The following ZFAND3 variants were observed in gnomAD, a reference collection of about 807,000 sequenced individuals.
ZFAND3 encodes zinc finger AN1-type containing 3.
ZFAND3 carries 10 observed loss-of-function variants against 29.6 expected under a neutral mutation model. The ratio of observed to expected loss-of-function variants is 0.34; its 90% CI spans 0.21 to 0.57. The LOEUF (loss-of-function observed/expected upper bound fraction) is 0.57. ZFAND3 is among the 20% of genes least tolerant of loss of function. The pLI is 0.86. For synonymous variants in ZFAND3, 128 were observed against 112.6 expected (o/e 1.14, Z -0.87); for missense variants, 230 against 304.5 (o/e 0.76, Z 1.82).
intron 5 of ZFAND3, among the ~76,000 whole-genome samples, chr6:38,145,618 G>A (rs975500516): frequency 3.9e-5 from 6 of 152,126 alleles, no homozygotes; most frequent in East Asian, 1.9e-4. Flanking sequence ...TTTGGTTCCC[G>A]CCAAATGAGT....
chr6:38,025,518 T>TC (rs1366057872), intron 2 of ZFAND3, among the ~76,000 whole-genome samples: 2 of 152,202 alleles, frequency 1.3e-5, no homozygotes, highest in African/African-American at 4.8e-5. Flanking sequence ...TCTTGTGAAC[T>TC]CCTTTTTTTT....
At position 38,154,448 on chromosome 6, in the gene ZFAND3, A is replaced by C. The variant is rs1766310278; in HGVS notation, c.*2059A>C. Reference sequence around the variant, plus strand: ...AGTTTGTTAAATGTAAGGAAAGCTTAAATTCTTGTATCTTTAAAAGAGAAA... The same window carrying C: ...AGTTTGTTAAATGTAAGGAAAGCTTCAATTCTTGTATCTTTAAAAGAGAAA... On this transcript the variant is annotated 3_prime_UTR_variant, in exon 6 of 6. Transcript: ENST00000287218. The C allele has an allele frequency of 1.0e-6, 1 of 985,612 alleles. No homozygotes were observed. The highest frequency in any genetic ancestry group is 6.1e-5 in the Admixed American group (1 of 16,272). 61.1% of individuals were successfully genotyped at this position (985,612 alleles called of 1,614,324 possible). A position where few individuals can be genotyped will look rare whatever the true frequency, so the allele number is the denominator to read the frequency against.
intron 4 of ZFAND3, among the ~76,000 whole-genome samples, chr6:38,111,414 A>G (rs1765313814): frequency 6.6e-6 from 1 of 152,208 alleles, no homozygotes; most frequent in South Asian, 2.1e-4. Flanking sequence ...AGTAATCTAG[A>G]GAAGATTAAA....
At chr6:37,851,335 T>TC (rs1294896210) in intron 1 of ZFAND3, among the ~76,000 whole-genome samples, 1 of 152,050 alleles carries the variant, frequency 6.6e-6, no homozygotes, top group East Asian at 1.9e-4. Context: ...TCCAGTTTTT[T>TC]CCCACTCTAT....
At chr6:38,066,515 A>T (rs868852071) in intron 3 of ZFAND3, among the ~76,000 whole-genome samples, 1 of 152,238 alleles carries the variant, frequency 6.6e-6, no homozygotes, top group Non-Finnish European at 1.5e-5. Flanking sequence ...TGGGATGCCA[A>T]ATCCAAGTAC....
chr6:37,961,965 G>A (rs11751781), intron 2 of ZFAND3, among the ~76,000 whole-genome samples: 25,669 of 152,120 alleles, frequency 0.17, 2,377 homozygotes, highest in East Asian at 0.33. Context: ...AGGGGTGTCT[G>A]CAAGTATCAG....
At position 38,153,280 on chromosome 6, in the gene ZFAND3, C is replaced by A; in HGVS notation, c.*891C>A. On this transcript the variant is annotated 3_prime_UTR_variant, in exon 6 of 6. Coordinates refer to ENST00000287218, the MANE Select transcript of ZFAND3 (RefSeq NM_021943.3). The stretch of plus-strand genomic sequence containing the variant: ...CTATATTGGGAGTTTTTTAAAAAGA[C>A]ATTTCATAGCCAACAAGAATCAGTA... 1.0e-6 allele frequency: 1 copy of A among 985,506 alleles called. No homozygotes were observed. Among genetic ancestry groups the A allele is most frequent in the Non-Finnish European group, 1.2e-6 (1 of 829,962 alleles). The allele number at this position is 985,506 out of a possible 1,614,324, so 61.0% of individuals were successfully genotyped here. A position where few individuals can be genotyped will look rare whatever the true frequency, so the allele number is the denominator to read the frequency against.
In ZFAND3 at chr6:37,976,604, A is replaced by T. The variant is rs986792128; in HGVS notation, c.112+46605A>T. Among the ~76,000 whole-genome samples, 57 of 151,850 alleles carry T rather than the reference A, an allele frequency of 3.8e-4. 1 individual carries two copies. Among genetic ancestry groups the T allele is most frequent in the African/African-American group, 1.3e-3 (53 of 41,470 alleles). On this transcript the variant is annotated intron_variant, in intron 2 of 5. Transcript: ENST00000287218. ...GTCTCCAAAAAAAAAAAAAAAAAAA[A>T]AAGATACTACCCGAGACTGGGTAAT...
intron 4 of ZFAND3, among the ~76,000 whole-genome samples, chr6:38,099,437 C>T (rs1765048433): frequency 6.6e-6 from 1 of 152,210 alleles, no homozygotes; most frequent in Non-Finnish European, 1.5e-5. Context: ...TGCACCCCGT[C>T]ATTCTGAATT....
In ZFAND3 at chr6:37,820,066, CGCCAGGGCA is replaced by C. The variant is rs938867436; in HGVS notation, c.71+54_71+62del. ...GGGGGGCGGGGGCCGGGGGCGCAGA[CGCCAGGGCA>C]GCCTGGGCAGGCCTCGGGGCCCGGG... On this transcript the variant is annotated intron_variant, in intron 1 of 5. Coordinates refer to ENST00000287218, the MANE Select transcript of ZFAND3 (RefSeq NM_021943.3). 523 of 1,191,760 alleles carry C rather than the reference CGCCAGGGCA, an allele frequency of 4.4e-4. 7 individuals are homozygous for C. The East Asian group carries it at 0.016, about 36-fold the overall frequency. The allele number at this position is 1,191,760 out of a possible 1,614,324, so 73.8% of individuals were successfully genotyped here.
chr6:38,062,477 G>A (rs1052775566), intron 3 of ZFAND3: 4 of 151,936 alleles, frequency 2.6e-5, no homozygotes, highest in Admixed American at 2.6e-4. Flanking sequence ...CTACCTCCTG[G>A]GTTCAAGTGA....
At chr6:38,122,977 A>G (rs1765563215) in intron 5 of ZFAND3, among the ~76,000 whole-genome samples, 1 of 152,226 alleles carries the variant, frequency 6.6e-6, no homozygotes, top group Non-Finnish European at 1.5e-5. Flanking sequence ...ATGAGGACAG[A>G]CTGTTAGAAA....
intron 1 of ZFAND3, among the ~76,000 whole-genome samples, chr6:37,909,259 ATTTTTTTT>A (rs1235975276): frequency 3.3e-5 from 5 of 149,662 alleles, no homozygotes; most frequent in Admixed American, 6.7e-5. Context: ...ACAAAACGAG[ATTTTTTTT>A]CTTTTTTTCT....
intron 2 of ZFAND3, among the ~76,000 whole-genome samples, chr6:38,034,877 G>C (rs1192841016): frequency 1.6e-4 from 24 of 152,008 alleles, no homozygotes; most frequent in Admixed American, 1.6e-3. Context: ...TCCCAAAAAG[G>C]GTTTTATTTT....
At chr6:38,095,470 T>TA (rs1321116372) in intron 4 of ZFAND3, among the ~76,000 whole-genome samples, 1 of 152,184 alleles carries the variant, frequency 6.6e-6, no homozygotes, top group African/African-American at 2.4e-5. Context: ...CGTCACCACT[T>TA]ACTTCCTAAC....
intron 1 of ZFAND3, among the ~76,000 whole-genome samples, chr6:37,851,318 G>T (rs1764276484): frequency 6.6e-6 from 1 of 151,864 alleles, no homozygotes; most frequent in Non-Finnish European, 1.5e-5. Context: ...AGAGCTTCTT[G>T]TTGGATTCCA....
intron 2 of ZFAND3, among the ~76,000 whole-genome samples, chr6:38,034,340 G>A (rs905944220): frequency 2.6e-5 from 4 of 152,122 alleles, no homozygotes; most frequent in African/African-American, 9.7e-5. Flanking sequence ...GTCCATTGGG[G>A]TTGGCCTAAT....
intron 2 of ZFAND3, among the ~76,000 whole-genome samples, chr6:37,986,148 A>C (rs994311606): frequency 2.6e-5 from 4 of 150,958 alleles, no homozygotes; most frequent in Non-Finnish European, 4.4e-5. Context: ...ACAAAATATA[A>C]TTTTTTTTTT....
At position 38,025,606 on chromosome 6, in the gene ZFAND3, G is replaced by A. The variant is rs11970617; in HGVS notation, c.113-35987G>A. ...ACTATAAAACATTAGCCTTTAAACAGAAGACTAGTTTGGCAAATAGCTTGC... is the reference window on the plus strand; with the variant it reads ...ACTATAAAACATTAGCCTTTAAACAAAAGACTAGTTTGGCAAATAGCTTGC... On this transcript the variant is annotated intron_variant, in intron 2 of 5. Transcript: ENST00000287218. Among the ~76,000 whole-genome samples, 372 of 152,206 alleles carry A rather than the reference G, an allele frequency of 2.4e-3. 3 individuals carry two copies. The highest frequency in any genetic ancestry group is 8.6e-3 in the African/African-American group (356 of 41,516).
Sources: gnomAD v4.1 joint callset for allele counts (sites outside exome capture counted in the v4.1 genomes callset) on GRCh38, gnomAD v4.1.1 for gene constraint, MANE v1.5 for transcripts, NCBI Gene and HGNC (gene_info 2026-07-23, HGNC 2026-07-21) for gene names.